Variants in SUSD2 observed in about 807,000 individuals in gnomAD.
SUSD2 encodes sushi domain containing 2.
Under a neutral mutation model 93.8 loss-of-function variants are expected in SUSD2, and 86 were observed. The observed-to-expected ratio is 0.92, with a 90% CI of 0.77 to 1.10. The LOEUF is 1.10. SUSD2 is among the 50% of genes least tolerant of loss of function. The pLI is 0.00. For synonymous variants in SUSD2, 483 were observed against 485.0 expected (o/e 1.00, Z 0.05); for missense variants, 1,060 against 1,137.0 (o/e 0.93, Z 0.97).
At position 24,187,462 on chromosome 22, in the gene SUSD2, T is replaced by G; in HGVS notation, c.1891+12T>G. 1 of 1,612,132 alleles carries G rather than the reference T, an allele frequency of 6.2e-7. No individual in the cohort carries two copies. The highest frequency in any genetic ancestry group is 1.7e-5 in the Admixed American group (1 of 59,976). ...GTTTGGGGCCAACTGTGAGTGACCG[T>G]GGAGTATATGGGGCAGACGGGGTGG... On this transcript the variant is annotated intron_variant, in intron 11 of 14. Transcript: ENST00000358321.
Position 24,184,318 on chromosome 22 carries a change from G to C in SUSD2, c.607+15G>C. The C allele has an allele frequency of 6.2e-7, 1 of 1,611,008 alleles. No homozygotes were observed. Among genetic ancestry groups the C allele is most frequent in the Non-Finnish European group, 8.5e-7 (1 of 1,178,500 alleles). ...CGAGGAGACAGGTGAGGCCAGCTGA[G>C]GGCTGGGGTGGCATCAGAGCTTTGG... On this transcript the variant is annotated intron_variant, in intron 4 of 14. Coordinates refer to ENST00000358321, the MANE Select transcript of SUSD2 (RefSeq NM_019601.4).
At chr22:24,184,101 C>T (rs1170555011) in intron 3 of SUSD2, 35 bp from the exon 4 acceptor site, 1 of 1,608,348 alleles carries the variant, frequency 6.2e-7, no homozygotes, top group Non-Finnish European at 8.5e-7. Flanking sequence ...TCCCTGGGCC[C>T]AGGCCCTCAC....
chr22:24,187,385 T>C lies in SUSD2; in HGVS notation c.1826T>C (p.Leu609Pro), dbSNP rs748997573. The C allele has an allele frequency of 1.5e-5, 24 of 1,614,004 alleles. No individual in the cohort carries two copies. In the South Asian group the frequency reaches 2.0e-4, roughly 13 times the overall value. The change falls in exon 11 of 15, where the codon CTG (leucine) becomes CCG (proline). Residue 609 changes from leucine (L) to proline (P), a missense_variant. Physicochemically the swap from Leu to Pro is moderately conservative, Grantham distance 98. Transcript: ENST00000358321. ...AACGACCCCACCGACGACTTCACCC[T>C]GCACAGCGGGCGCGTCCTGCCCCCA... is the stretch of plus-strand genomic sequence containing the variant. The part of the protein sequence containing the change: ...LNNDPTDDFT[L>P]HSGRVLPPGT...
Position 24,188,200 on chromosome 22 carries a change from T to TCACCGA in SUSD2, c.2342-22_2342-21insCGACAC. ...CCACTCACCACCCCAGAGAGCCCCCTCACTGACACTCGCTCCCTCACCAGG... is the reference window on the plus strand; with the variant it reads ...CCACTCACCACCCCAGAGAGCCCCCTCACCGACACTGACACTCGCTCCCTCACCAGG... On this transcript the variant is annotated intron_variant, in intron 13 of 14. Coordinates refer to ENST00000358321, the MANE Select transcript of SUSD2 (RefSeq NM_019601.4). This position sits in a 1 kb window ranked among gnomAD's most constrained non-coding sequence, Gnocchi z 4.7. 1 of 1,589,190 alleles carries TCACCGA rather than the reference T, an allele frequency of 6.3e-7. No homozygotes were observed. The highest frequency in any genetic ancestry group is 1.1e-5 in the South Asian group (1 of 88,254).
intron 4 of SUSD2, among the ~76,000 whole-genome samples, chr22:24,184,563 G>A (rs2047348052): frequency 6.6e-6 from 1 of 152,084 alleles, no homozygotes. Context: ...GCATGGCCCT[G>A]GGCCCAGCTT....
intron 7 of SUSD2, 39 bp from the exon 8 acceptor site, chr22:24,185,622 C>G (rs774649322): frequency 6.2e-7 from 1 of 1,607,620 alleles, no homozygotes; most frequent in East Asian, 2.2e-5. Flanking sequence ...GGGGTGGGCT[C>G]CCAACAGTGG....
Position 24,188,177 on chromosome 22 carries a change from A to G in SUSD2, c.2341+42A>G. ...CATACACCTGCCTGCACCTGTCCCC[A>G]CTCACCACCCCAGAGAGCCCCCTCA... On this transcript the variant is annotated intron_variant, in intron 13 of 14. Transcript: ENST00000358321. The surrounding 1 kb of genome is among the most constrained non-coding windows in gnomAD (Gnocchi z 4.7). 6.3e-7 allele frequency: 1 copy of G among 1,596,328 alleles called. No individual in the cohort carries two copies. Among genetic ancestry groups the G allele is most frequent in the Non-Finnish European group, 8.6e-7 (1 of 1,168,362 alleles).
rs143191002 is a variant in SUSD2, at chr22:24,184,242, G to A, written c.546G>A (p.Trp182Ter). Residue 182 changes from tryptophan to a stop codon, truncating the protein, a stop_gained, in exon 4 of 15, where the codon TGG becomes TGA. Transcript: ENST00000358321. LOFTEE classifies it high-confidence loss of function. ...CCTCAGGCAACCTCAGCCTGACCTG[G>A]CATGTCAAGTCGCTGCCCACGCAGA... is the stretch of plus-strand genomic sequence containing the variant. ...ANTSGNLSLT[W>*]HVKSLPTQTI... is the part of the protein sequence containing the mutation. 111 of 1,613,728 alleles carry A rather than the reference G, an allele frequency of 6.9e-5. No homozygotes were observed. The African/African-American group carries it at 1.3e-3, about 20-fold the overall frequency.
At chr22:24,187,516 G>T in intron 11 of SUSD2, 55 bp from the exon 12 acceptor site, 2 of 1,603,922 alleles carry the variant, frequency 1.2e-6, no homozygotes, top group South Asian at 1.1e-5. Flanking sequence ...CACGGGCAGG[G>T]CTTGGGGACC....
At position 24,187,214 on chromosome 22, in the gene SUSD2, C is replaced by CG; in HGVS notation, c.1657dup (p.Val553GlyfsTer34). The CG allele has an allele frequency of 6.2e-7, 1 of 1,612,822 alleles. No homozygotes were observed. Among genetic ancestry groups the CG allele is most frequent in the East Asian group, 2.2e-5 (1 of 44,882 alleles). ...CCCTTGAGCCCAGGAATGTTCCTGT[C>CG]GGTGGCTGCCGGGGACAGGGTCTCC... On this transcript the variant is annotated frameshift_variant, in exon 11 of 15. Transcript: ENST00000358321. LOFTEE classifies it high-confidence loss of function.
intron 4 of SUSD2, 99 bp from the exon 5 acceptor site, chr22:24,184,667 G>A: frequency 9.8e-7 from 1 of 1,020,974 alleles, no homozygotes; most frequent in Non-Finnish European, 1.4e-6. Context: ...GGGACCGCCT[G>A]GCGGTCCATC....
chr22:24,183,398 C>A, intron 2 of SUSD2, 97 bp from the exon 3 acceptor site: 1 of 1,542,240 alleles, frequency 6.5e-7, no homozygotes, highest in Non-Finnish European at 8.8e-7. Flanking sequence ...ACAGGGACAG[C>A]TGGCTGGTTG....
intron 10 of SUSD2, chr22:24,186,846 G>T: frequency 2.4e-6 from 1 of 423,270 alleles, no homozygotes; most frequent in Non-Finnish European, 4.4e-6. Flanking sequence ...AGGATTCCTG[G>T]TTGGGATGGG....
chr22:24,183,976 C>T (rs910101167), intron 3 of SUSD2, 160 bp from the exon 4 acceptor site: 13 of 727,148 alleles, frequency 1.8e-5, no homozygotes, highest in African/African-American at 1.2e-4. Flanking sequence ...CCTGCCTCTG[C>T]GGCCTCAGCG....
chr22:24,186,877 G>T, intron 10 of SUSD2: 1 of 474,534 alleles, frequency 2.1e-6, no homozygotes, highest in South Asian at 2.5e-5. Context: ...GGAGGGGCCT[G>T]TCAGCACTGA....
At chr22:24,183,360 C>A in intron 2 of SUSD2, 93 bp downstream of exon 2, 1 of 1,536,904 alleles carries the variant, frequency 6.5e-7, no homozygotes. Flanking sequence ...TGAGTGGAGC[C>A]CCTCGGACCC....
intron 1 of SUSD2, among the ~76,000 whole-genome samples, 153 bp downstream of exon 1, chr22:24,181,748 G>A (rs1376415687): frequency 6.6e-6 from 1 of 152,234 alleles, no homozygotes. Flanking sequence ...GAGGGTCCAT[G>A]TGGAGGGGCA....
Position 24,184,179 on chromosome 22 carries a change from G to A in SUSD2, c.483G>A (p.Val161=), listed in dbSNP as rs1310249416. 1 of 1,613,010 alleles carries A rather than the reference G, an allele frequency of 6.2e-7. No individual in the cohort carries two copies. The highest frequency in any genetic ancestry group is 2.2e-5 in the East Asian group (1 of 44,878). Residue 161 remains valine, a synonymous_variant, in exon 4 of 15, where the codon GTG becomes GTA. Transcript: ENST00000358321. ...KVSMMEKSEL[V]NETRWQYYGT... ...CAATGATGGAGAAGAGCGAGTTGGTGAACGAGACGCGTTGGCAATACTACG... is the reference window on the plus strand; with the variant it reads ...CAATGATGGAGAAGAGCGAGTTGGTAAACGAGACGCGTTGGCAATACTACG...
rs371826914 is a variant in SUSD2, at chr22:24,188,146, T to G, written c.2341+11T>G. ...CGAAGTGCCAGCCAGGTGAGGACAC[T>G]CTGCTCATACACCTGCCTGCACCTG... On this transcript the variant is annotated intron_variant, in intron 13 of 14. Transcript: ENST00000358321. The surrounding 1 kb of genome is among the most constrained non-coding windows in gnomAD (Gnocchi z 4.7). The G allele has an allele frequency of 6.2e-7, 1 of 1,610,484 alleles. No homozygotes were observed. Among genetic ancestry groups the G allele is most frequent in the African/African-American group, 1.3e-5 (1 of 74,976 alleles).
Sources: gnomAD v4.1 joint callset for allele counts (sites outside exome capture counted in the v4.1 genomes callset) on GRCh38, gnomAD v4.1.1 for gene constraint, Gnocchi (gnomAD v3.1) non-coding constraint, MANE v1.5 for transcripts, NCBI Gene and HGNC (gene_info 2026-07-23, HGNC 2026-07-21) for gene names.